The following PAPPA2 variants were observed in gnomAD, a reference collection of about 807,000 sequenced individuals.
PAPPA2 encodes the protein pappalysin-2.
Under a neutral mutation model 176.4 loss-of-function variants are expected in PAPPA2, and 86 were observed. The observed-to-expected ratio is 0.49, with a 90% CI of 0.41 to 0.58. PAPPA2 has a LOEUF of 0.58. Ranked by LOEUF, PAPPA2 falls within the 20% of genes least tolerant of loss-of-function variation. PAPPA2 has a pLI of 0.00. For synonymous variants in PAPPA2, 809 were observed against 852.2 expected (o/e 0.95, Z 0.88); for missense variants, 2,073 against 2,256.9 (o/e 0.92, Z 1.65).
intron 7 of PAPPA2, among the ~76,000 whole-genome samples, chr1:176,696,519 C>T (rs1660393448): frequency 6.6e-6 from 1 of 152,140 alleles, no homozygotes; most frequent in African/African-American, 2.4e-5. Flanking sequence ...TGTACCTCCC[C>T]TAACTTTTCA....
At chr1:176,679,534 G>T (rs1046847865) in intron 4 of PAPPA2, among the ~76,000 whole-genome samples, 2 of 152,112 alleles carry the variant, frequency 1.3e-5, no homozygotes, top group Non-Finnish European at 2.9e-5. Context: ...GTTTATTAAA[G>T]CAATTCAATA....
chr1:176,803,826 T>C (rs1401386777), intron 21 of PAPPA2, among the ~76,000 whole-genome samples: 1 of 152,198 alleles, frequency 6.6e-6, no homozygotes, highest in African/African-American at 2.4e-5. Context: ...AATAAGTCTT[T>C]GTCTTTCAGC....
intron 12 of PAPPA2, among the ~76,000 whole-genome samples, chr1:176,720,386 TTA>T (rs985827839): frequency 1.3e-5 from 2 of 152,042 alleles, no homozygotes; most frequent in South Asian, 2.1e-4. Flanking sequence ...TATCAACATA[TTA>T]TATATATATG....
chr1:176,797,658 A>G (rs1441044943), intron 20 of PAPPA2, among the ~76,000 whole-genome samples: 1 of 151,716 alleles, frequency 6.6e-6, no homozygotes, highest in Admixed American at 6.6e-5. Context: ...ATATATATAA[A>G]TAAATAAATA....
intron 16 of PAPPA2, 109 bp downstream of exon 16, chr1:176,769,893 C>T: frequency 8.4e-7 from 1 of 1,189,622 alleles, no homozygotes; most frequent in Non-Finnish European, 1.2e-6. Flanking sequence ...ATTTGCTCCA[C>T]TGTGTCACCA....
intron 12 of PAPPA2, among the ~76,000 whole-genome samples, chr1:176,724,944 T>C (rs1216199740): frequency 6.6e-6 from 1 of 152,206 alleles, no homozygotes; most frequent in Non-Finnish European, 1.5e-5. Context: ...CAGATAGGAT[T>C]AAAATTGAAA....
At chr1:176,649,972 T>C (rs188171452) in intron 3 of PAPPA2, among the ~76,000 whole-genome samples, 159 of 151,716 alleles carry the variant, frequency 1.0e-3, no homozygotes, top group African/African-American at 3.6e-3. Flanking sequence ...GTCTGGATAA[T>C]CTGTCCATTA....
At chr1:176,833,897 T>C (rs780044452) in intron 21 of PAPPA2, among the ~76,000 whole-genome samples, 2 of 152,114 alleles carry the variant, frequency 1.3e-5, no homozygotes, top group Non-Finnish European at 2.9e-5. Flanking sequence ...GTGTCTACAG[T>C]ATATGCATTT....
In PAPPA2 at chr1:176,695,728, A is replaced by C. The variant is rs764137389; in HGVS notation, c.2625-10A>C. 6.2e-7 allele frequency: 1 copy of C among 1,613,736 alleles called. No homozygotes were observed. The highest frequency in any genetic ancestry group is 8.5e-7 in the Non-Finnish European group (1 of 1,179,810). On this transcript the variant is annotated splice_polypyrimidine_tract_variant and intron_variant, in intron 6 of 22. Transcript: ENST00000367662. The stretch of plus-strand genomic sequence containing the variant: ...CCTCATCTCCCATCTCCATCCCTTT[A>C]TCTCCCCAGGGCCTCAGGCAGCTTG...
intron 2 of PAPPA2, among the ~76,000 whole-genome samples, chr1:176,591,085 GCACA>G (rs66535582): frequency 0.12 from 17,649 of 142,194 alleles, 1,132 homozygotes; most frequent in South Asian, 0.22. Context: ...TCACACACAT[GCACA>G]CACACACACA....
intron 3 of PAPPA2, among the ~76,000 whole-genome samples, chr1:176,606,662 A>T (rs1179059925): frequency 6.6e-6 from 1 of 152,118 alleles, no homozygotes; most frequent in Non-Finnish European, 1.5e-5. Context: ...ATGGGGTTTC[A>T]CCATATTGAC....
intron 3 of PAPPA2, among the ~76,000 whole-genome samples, chr1:176,636,419 G>T (rs1363637363): frequency 6.6e-6 from 1 of 152,124 alleles, no homozygotes; most frequent in African/African-American, 2.4e-5. Flanking sequence ...CTTTCTCAGA[G>T]AGGATGGCTA....
chr1:176,691,231 T>G, intron 5 of PAPPA2: 1 of 948,600 alleles, frequency 1.1e-6, no homozygotes, highest in Non-Finnish European at 1.3e-6. Context: ...AGATATTTTT[T>G]CTATAAGTTT....
chr1:176,658,828 C>T (rs1277745250), intron 3 of PAPPA2, among the ~76,000 whole-genome samples: 1 of 151,886 alleles, frequency 6.6e-6, no homozygotes, highest in East Asian at 1.9e-4. Context: ...AACAGAAGAA[C>T]ACCAGTTTTG....
At chr1:176,468,625 G>A (rs1651736830) in intron 1 of PAPPA2, among the ~76,000 whole-genome samples, 1 of 152,124 alleles carries the variant, frequency 6.6e-6, no homozygotes, top group South Asian at 2.1e-4. Flanking sequence ...TCTGCACAGG[G>A]CCCTCTCTGT....
intron 1 of PAPPA2, among the ~76,000 whole-genome samples, chr1:176,491,714 C>T (rs1264198516): frequency 6.6e-6 from 1 of 152,130 alleles, no homozygotes; most frequent in East Asian, 1.9e-4. Context: ...ACTATTAGTT[C>T]CTTAAAAGCA....
chr1:176,765,670 AT>A lies in PAPPA2; in HGVS notation c.4157del (p.Ile1386ThrfsTer22). 1 of 1,613,840 alleles carries A rather than the reference AT, an allele frequency of 6.2e-7. No homozygotes were observed. The highest frequency in any genetic ancestry group is 8.5e-7 in the Non-Finnish European group (1 of 1,179,890). Reference protein sequence around the residue: ...EGQNHQGQSCIHRPCGKQDSC... With the variant: ...EGQNHQGQSCXHRPCGKQDSC... ...GTTCTATTTCTCTTATCCCAGCTGT[AT>A]CCATCGGCCCTGTGGGAAGCAGGAC... is the stretch of plus-strand genomic sequence containing the variant. On this transcript the variant is annotated frameshift_variant, in exon 15 of 23. Coordinates refer to ENST00000367662, the MANE Select transcript of PAPPA2 (RefSeq NM_020318.3). LOFTEE classifies it high-confidence loss of function.
At chr1:176,615,306 A>T (rs2102683323) in intron 3 of PAPPA2, among the ~76,000 whole-genome samples, 1 of 152,006 alleles carries the variant, frequency 6.6e-6, no homozygotes, top group Non-Finnish European at 1.5e-5. Flanking sequence ...TTCACAATGG[A>T]GGTTTTGTTT....
At chr1:176,540,457 G>A (rs1650306122) in intron 1 of PAPPA2, among the ~76,000 whole-genome samples, 1 of 152,164 alleles carries the variant, frequency 6.6e-6, no homozygotes, top group Admixed American at 6.5e-5. Context: ...TTCTGAGATA[G>A]CACTGATAGC....
Sources: allele counts gnomAD v4.1 joint callset (sites outside exome capture counted in the v4.1 genomes callset), GRCh38; gene constraint gnomAD v4.1.1; transcripts MANE v1.5; gene names NCBI Gene and HGNC (gene_info 2026-07-23, HGNC 2026-07-21).